The following RSPO3 variants were observed in gnomAD, a reference collection of about 807,000 sequenced individuals.
RSPO3 encodes the protein R-spondin 3, also known as R-spondin-3.
Under a neutral mutation model 36.5 loss-of-function variants are expected in RSPO3, and 17 were observed. The observed-to-expected ratio is 0.47, with a 90% CI of 0.32 to 0.70. The LOEUF (loss-of-function observed/expected upper bound fraction) is 0.70, where lower values mean the gene tolerates loss of function less well. Ranked by LOEUF, RSPO3 falls within the 30% of genes least tolerant of loss-of-function variation. The probability of loss-of-function intolerance (pLI) is 0.04; values close to 1 mark genes in which losing one functional copy is unlikely to be tolerated. For synonymous variants in RSPO3, 108 were observed against 107.0 expected, an observed-to-expected ratio of 1.01 and a Z score of -0.06; for missense variants, 294 against 322.5, an observed-to-expected ratio of 0.91 and a Z score of 0.68.
chr6:127,147,545 A>G (rs1393913657), intron 1 of RSPO3, among the ~76,000 whole-genome samples: 1 of 152,178 alleles, frequency 6.6e-6, no homozygotes, highest in African/African-American at 2.4e-5. Flanking sequence ...AAAAGAAATC[A>G]TCCTAAACAC....
chr6:127,144,181 T>G (rs929694404), intron 1 of RSPO3, among the ~76,000 whole-genome samples: 1 of 152,216 alleles, frequency 6.6e-6, no homozygotes, highest in Non-Finnish European at 1.5e-5. Flanking sequence ...GTTCCCTCTT[T>G]CTTAATTCTA....
In RSPO3 at chr6:127,199,347, T is replaced by A. The variant is rs1413703282; in HGVS notation, c.*3340T>A. Reference sequence around the variant, plus strand: ...TGACTAATTCCACAAGTCAAACATATAAATTTTATTTCTTGATTCATGATA... The same window carrying A: ...TGACTAATTCCACAAGTCAAACATAAAAATTTTATTTCTTGATTCATGATA... On this transcript the variant is annotated 3_prime_UTR_variant, in exon 5 of 5. Transcript: ENST00000356698. Among the ~76,000 whole-genome samples, 1 of 152,174 alleles carries A rather than the reference T, an allele frequency of 6.6e-6. No homozygotes were observed. Among genetic ancestry groups the A allele is most frequent in the African/African-American group, 2.4e-5 (1 of 41,426 alleles).
At chr6:127,155,868 A>C (rs1774585821) in intron 4 of RSPO3, among the ~76,000 whole-genome samples, 1 of 137,168 alleles carries the variant, frequency 7.3e-6, no homozygotes. Context: ...AAGCTTTTGT[A>C]GCTAAGTGTA....
At chr6:127,141,004 T>C (rs2503106) in intron 1 of RSPO3, among the ~76,000 whole-genome samples, 85,130 of 152,008 alleles carry the variant, frequency 0.56, 23,846 homozygotes, top group African/African-American at 0.6. Flanking sequence ...GCCTTATTCA[T>C]CTGTTTGTTG....
intron 1 of RSPO3, among the ~76,000 whole-genome samples, chr6:127,142,117 T>C (rs2098950283): frequency 6.6e-6 from 1 of 152,132 alleles, no homozygotes; most frequent in African/African-American, 2.4e-5. Context: ...TAAAAAATAA[T>C]AATGAATAAA....
chr6:127,188,693 G>C (rs1223723703), intron 4 of RSPO3, among the ~76,000 whole-genome samples: 1 of 152,040 alleles, frequency 6.6e-6, no homozygotes, highest in East Asian at 1.9e-4. Flanking sequence ...GAATGAGATA[G>C]TGCTGAATGG....
intron 4 of RSPO3, 39 bp downstream of exon 4, chr6:127,155,477 C>A: frequency 1.9e-6 from 3 of 1,560,564 alleles, no homozygotes; most frequent in Non-Finnish European, 2.6e-6. Flanking sequence ...TTTGAATCCT[C>A]ATAATCTGTT....
chr6:127,141,948 T>C (rs925042224), intron 1 of RSPO3, among the ~76,000 whole-genome samples: 42 of 152,136 alleles, frequency 2.8e-4, no homozygotes, highest in African/African-American at 9.7e-4. Context: ...TTTAAATATG[T>C]ATATTTAAAT....
At chr6:127,129,364 A>C (rs1774005368) in intron 1 of RSPO3, among the ~76,000 whole-genome samples, 2 of 152,070 alleles carry the variant, frequency 1.3e-5, no homozygotes, top group Non-Finnish European at 2.9e-5. Flanking sequence ...GTTCCATGTA[A>C]AAGTGGGGTG....
chr6:127,185,950 C>T (rs963136559), intron 4 of RSPO3, among the ~76,000 whole-genome samples: 1 of 152,136 alleles, frequency 6.6e-6, no homozygotes, highest in African/African-American at 2.4e-5. Context: ...AACACTTCTT[C>T]TGTTTCTGTC....
chr6:127,157,041 T>G (rs1774609005), intron 4 of RSPO3, among the ~76,000 whole-genome samples: 1 of 152,056 alleles, frequency 6.6e-6, no homozygotes, highest in Non-Finnish European at 1.5e-5. Context: ...TTGTAGGAGG[T>G]TTTGATTAAA....
At chr6:127,173,620 A>G (rs1395150507) in intron 4 of RSPO3, among the ~76,000 whole-genome samples, 1 of 151,868 alleles carries the variant, frequency 6.6e-6, no homozygotes, top group African/African-American at 2.4e-5. Context: ...ATGCTGTGTG[A>G]ATCATTGGAC....
chr6:127,183,619 A>T (rs1227261745), intron 4 of RSPO3, among the ~76,000 whole-genome samples: 1 of 152,102 alleles, frequency 6.6e-6, no homozygotes, highest in Non-Finnish European at 1.5e-5. Context: ...CATTTAATTC[A>T]TTCAACGAAT....
At chr6:127,189,255 G>A (rs947274644) in intron 4 of RSPO3, among the ~76,000 whole-genome samples, 2 of 151,970 alleles carry the variant, frequency 1.3e-5, no homozygotes, top group African/African-American at 4.8e-5. Context: ...CTAGGAAGAG[G>A]TTAGGAGAGT....
intron 1 of RSPO3, among the ~76,000 whole-genome samples, chr6:127,147,553 C>T (rs1774412380): frequency 1.3e-5 from 2 of 152,084 alleles, no homozygotes; most frequent in Non-Finnish European, 2.9e-5. Context: ...TCATCCTAAA[C>T]ACCAGCTATA....
intron 4 of RSPO3, among the ~76,000 whole-genome samples, chr6:127,176,316 G>T (rs1281995874): frequency 6.6e-6 from 1 of 151,892 alleles, no homozygotes; most frequent in African/African-American, 2.4e-5. Flanking sequence ...CATCTCCAGA[G>T]GTCATGCAAT....
chr6:127,163,447 T>C (rs1446220740), intron 4 of RSPO3, among the ~76,000 whole-genome samples: 1 of 152,070 alleles, frequency 6.6e-6, no homozygotes, highest in Non-Finnish European at 1.5e-5. Flanking sequence ...CAGAAAGGAG[T>C]TGATGCCTTA....
chr6:127,193,014 T>C (rs946997543), intron 4 of RSPO3, among the ~76,000 whole-genome samples: 9 of 152,158 alleles, frequency 5.9e-5, no homozygotes, highest in Admixed American at 2.0e-4. Context: ...GCAGAAAATA[T>C]ATTTATGCAA....
At chr6:127,134,118 G>A (rs1207862288) in intron 1 of RSPO3, among the ~76,000 whole-genome samples, 3 of 152,046 alleles carry the variant, frequency 2.0e-5, no homozygotes, top group African/African-American at 7.2e-5. Flanking sequence ...CCACATATGG[G>A]GATGAAGCAG....
Sources: gnomAD v4.1 joint callset for allele counts (sites outside exome capture counted in the v4.1 genomes callset) on GRCh38, gnomAD v4.1.1 for gene constraint, MANE v1.5 for transcripts, NCBI Gene and HGNC (gene_info 2026-07-23, HGNC 2026-07-21) for gene names.